The following BANK1 variants were observed in gnomAD, a reference collection of about 807,000 sequenced individuals.
The protein encoded by BANK1 is B cell scaffold protein with ankyrin repeats 1, also known as B-cell scaffold protein with ankyrin repeats.
A neutral mutation model predicts 94.5 loss-of-function variants in BANK1; 95 were observed. The observed-to-expected ratio is 1.00, with a 90% CI of 0.85 to 1.19. The LOEUF (loss-of-function observed/expected upper bound fraction) is 1.19, where lower values mean the gene tolerates loss of function less well. Among genes scored for constraint, BANK1 ranks in the 50% most tolerant of loss-of-function variants. BANK1 has a pLI of 0.00. For missense variants in BANK1, 987 were observed against 932.2 expected (o/e 1.06, Z -0.77); for synonymous variants, 334 against 308.4 (o/e 1.08, Z -0.87).
chr4:101,971,983 A>T (rs577408242), intron 7 of BANK1, among the ~76,000 whole-genome samples: 3 of 151,950 alleles, frequency 2.0e-5, no homozygotes, highest in South Asian at 4.1e-4. Flanking sequence ...TTGTGTTTTC[A>T]TGTTAACTTT....
intron 1 of BANK1, among the ~76,000 whole-genome samples, chr4:101,827,775 C>T (rs1726420941): frequency 6.6e-6 from 1 of 151,912 alleles, no homozygotes; most frequent in Non-Finnish European, 1.5e-5. Flanking sequence ...CAGTTCTTCA[C>T]TTTCCCTTTC....
At chr4:101,891,705 G>A (rs1316422790) in intron 5 of BANK1, among the ~76,000 whole-genome samples, 4 of 151,426 alleles carry the variant, frequency 2.6e-5, no homozygotes, top group Non-Finnish European at 5.9e-5. Context: ...TTCAGATTGA[G>A]TAATTTTTAT....
At chr4:101,950,986 A>G (rs148098862) in intron 7 of BANK1, among the ~76,000 whole-genome samples, 3 of 152,306 alleles carry the variant, frequency 2.0e-5, no homozygotes, top group Non-Finnish European at 4.4e-5. Flanking sequence ...ACTGTCGCAG[A>G]CAAGAAGATC....
intron 7 of BANK1, among the ~76,000 whole-genome samples, chr4:102,020,387 G>C (rs1726856454): frequency 6.6e-6 from 1 of 152,014 alleles, no homozygotes; most frequent in African/African-American, 2.4e-5. Context: ...ATTTAGTGGA[G>C]TCCATCAAAG....
chr4:101,848,577 TA>T (rs1320839373), intron 2 of BANK1, among the ~76,000 whole-genome samples: 1 of 152,208 alleles, frequency 6.6e-6, no homozygotes, highest in African/African-American at 2.4e-5. Flanking sequence ...TTTGCTAAGA[TA>T]ATACAGTCAT....
At chr4:101,803,047 T>C (rs1725408473) in intron 1 of BANK1, among the ~76,000 whole-genome samples, 1 of 152,236 alleles carries the variant, frequency 6.6e-6, no homozygotes, top group Non-Finnish European at 1.5e-5. Context: ...TCTGCAACAA[T>C]GTCTCTTCAA....
At chr4:101,858,815 C>T (rs905470321) in intron 3 of BANK1, among the ~76,000 whole-genome samples, 2 of 152,126 alleles carry the variant, frequency 1.3e-5, no homozygotes, top group Non-Finnish European at 2.9e-5. Context: ...CAATCAGAAT[C>T]CTACCACATA....
At chr4:102,007,750 T>C (rs1389312539) in intron 7 of BANK1, among the ~76,000 whole-genome samples, 1 of 152,262 alleles carries the variant, frequency 6.6e-6, no homozygotes, top group East Asian at 1.9e-4. Context: ...TATATTTCTA[T>C]TGATCAGGAA....
At chr4:102,065,001 A>C (rs1301937328) in intron 13 of BANK1, among the ~76,000 whole-genome samples, 1 of 152,194 alleles carries the variant, frequency 6.6e-6, no homozygotes, top group African/African-American at 2.4e-5. Flanking sequence ...TGTGGCTGAG[A>C]GATGAGCTGT....
intron 9 of BANK1, among the ~76,000 whole-genome samples, chr4:102,026,884 C>G (rs777149213): frequency 2.0e-5 from 3 of 151,450 alleles, no homozygotes; most frequent in African/African-American, 7.3e-5. Context: ...TATGAAGACC[C>G]AAGTTTACCA....
At chr4:102,073,786 AAGCAGCCTT>A in intron 16 of BANK1, 38 bp downstream of exon 16, 1 of 1,533,806 alleles carries the variant, frequency 6.5e-7, no homozygotes, top group Admixed American at 1.8e-5. Context: ...AGAAAATCTA[AAGCAGCCTT>A]GTTAGGGACT....
chr4:101,914,042 C>A (rs902042345), intron 6 of BANK1, among the ~76,000 whole-genome samples: 1 of 152,150 alleles, frequency 6.6e-6, no homozygotes, highest in Non-Finnish European at 1.5e-5. Context: ...AATGTACAGT[C>A]TTTCAAAGAA....
rs186033102 is a variant in BANK1 at position 102,004,267 on chromosome 4, C to T, written c.1207-17247C>T. Among the ~76,000 whole-genome samples the T allele has an allele frequency of 3.9e-5, 6 of 152,228 alleles. No individual in the cohort carries two copies. In the East Asian group the frequency reaches 1.2e-3, roughly 29 times the overall value. On this transcript the variant is annotated intron_variant, in intron 7 of 16. Transcript: ENST00000322953. ...TGAATGTATGTGTGAATAGATACAA[C>T]CTATAATATCTAGGACTATAAATTC...
At chr4:101,979,009 G>T (rs774309155) in intron 7 of BANK1, among the ~76,000 whole-genome samples, 1 of 151,974 alleles carries the variant, frequency 6.6e-6, no homozygotes. Context: ...CATGACTTTT[G>T]CATCTTATTA....
intron 1 of BANK1, among the ~76,000 whole-genome samples, chr4:101,810,659 GT>G (rs1244506584): frequency 6.6e-6 from 1 of 152,060 alleles, no homozygotes; most frequent in Non-Finnish European, 1.5e-5. Context: ...ACAATCAGTG[GT>G]TTTATCAATT....
At chr4:101,821,507 G>T (rs1428138593) in intron 1 of BANK1, among the ~76,000 whole-genome samples, 4 of 152,090 alleles carry the variant, frequency 2.6e-5, no homozygotes, top group Non-Finnish European at 5.9e-5. Flanking sequence ...TGGTGTCTTT[G>T]TCATGAAGTC....
chr4:101,925,622 A>G (rs775954595), intron 7 of BANK1, among the ~76,000 whole-genome samples: 25 of 151,780 alleles, frequency 1.6e-4, no homozygotes, highest in Admixed American at 1.4e-3. Context: ...GTTATCTTTT[A>G]TACATTTGCT....
intron 5 of BANK1, among the ~76,000 whole-genome samples, chr4:101,876,188 G>A (rs1376695034): frequency 6.6e-6 from 1 of 152,210 alleles, no homozygotes; most frequent in Non-Finnish European, 1.5e-5. Context: ...AAACAGCAGT[G>A]ATATCCAGGT....
At chr4:101,930,547 A>G (rs917397917) in intron 7 of BANK1, among the ~76,000 whole-genome samples, 1 of 151,484 alleles carries the variant, frequency 6.6e-6, no homozygotes, top group African/African-American at 2.4e-5. Context: ...ATAGTAGTTA[A>G]GTACTCTGGA....
Sources: gnomAD v4.1 joint callset for allele counts (sites outside exome capture counted in the v4.1 genomes callset) on GRCh38, gnomAD v4.1.1 for gene constraint, MANE v1.5 for transcripts, NCBI Gene and HGNC (gene_info 2026-07-23, HGNC 2026-07-21) for gene names.